Variants in CNTLN observed in about 807,000 individuals in gnomAD.
CNTLN encodes centlein, also known as centlein, centrosomal protein.
A neutral mutation model predicts 180.0 loss-of-function variants in CNTLN; 212 were observed. That is an observed-to-expected ratio of 1.18 (90% CI 1.05 to 1.32). CNTLN has a LOEUF of 1.32. Ranked by LOEUF, CNTLN falls within the 40% of genes most tolerant of loss-of-function variation. The pLI is 0.00. For missense variants in CNTLN, 2,095 were observed against 1,610.9 expected (o/e 1.30, Z -5.14); for synonymous variants, 722 against 563.1 (o/e 1.28, Z -3.99).
chr9:17,289,680 C>T (rs1047807341), intron 6 of CNTLN, among the ~76,000 whole-genome samples: 19 of 132,992 alleles, frequency 1.4e-4, no homozygotes, highest in Non-Finnish European at 2.7e-4. Context: ...TCACATAGTC[C>T]CATATTTCTT....
At chr9:17,222,965 C>G (rs1294315421) in intron 2 of CNTLN, among the ~76,000 whole-genome samples, 1 of 151,998 alleles carries the variant, frequency 6.6e-6, no homozygotes, top group Non-Finnish European at 1.5e-5. Flanking sequence ...CCCTTATGGT[C>G]TTAAAAATAT....
At chr9:17,341,609 T>G (rs1159758691) in intron 11 of CNTLN, among the ~76,000 whole-genome samples, 1 of 152,188 alleles carries the variant, frequency 6.6e-6, no homozygotes, top group Non-Finnish European at 1.5e-5. Context: ...ATGGATCCTT[T>G]AGGGCAATGT....
At chr9:17,495,398 T>G (rs1833399299) in intron 25 of CNTLN, among the ~76,000 whole-genome samples, 1 of 152,116 alleles carries the variant, frequency 6.6e-6, no homozygotes, top group Non-Finnish European at 1.5e-5. Flanking sequence ...GTGATGACCC[T>G]GACCCTATGT....
intron 2 of CNTLN, among the ~76,000 whole-genome samples, chr9:17,209,921 T>C (rs1823173696): frequency 6.6e-6 from 1 of 152,188 alleles, no homozygotes. Flanking sequence ...AAAGTAAATA[T>C]TTTTCCATCT....
At chr9:17,299,824 A>G in intron 7 of CNTLN, 1 of 982,454 alleles carries the variant, frequency 1.0e-6, no homozygotes, top group Non-Finnish European at 1.2e-6. Context: ...TGCTTGGAAC[A>G]TTTTTTTTCT....
intron 25 of CNTLN, among the ~76,000 whole-genome samples, chr9:17,500,565 C>G (rs1272045214): frequency 6.6e-6 from 1 of 152,114 alleles, no homozygotes; most frequent in Non-Finnish European, 1.5e-5. Context: ...ACAGGATGGA[C>G]AAGTGAATTT....
At chr9:17,203,660 C>T (rs1239001443) in intron 2 of CNTLN, among the ~76,000 whole-genome samples, 1 of 152,110 alleles carries the variant, frequency 6.6e-6, no homozygotes, top group Non-Finnish European at 1.5e-5. Flanking sequence ...GTGTTCACGC[C>T]ATTCTCCTGC....
chr9:17,317,198 C>G (rs998389408), intron 8 of CNTLN, among the ~76,000 whole-genome samples: 2 of 152,014 alleles, frequency 1.3e-5, no homozygotes, highest in African/African-American at 2.4e-5. Flanking sequence ...TAGATGGATA[C>G]TGTTTAGCAT....
intron 2 of CNTLN, among the ~76,000 whole-genome samples, chr9:17,152,106 A>G (rs1300384508): frequency 6.6e-6 from 1 of 152,124 alleles, no homozygotes; most frequent in African/African-American, 2.4e-5. Context: ...GTTTTCAAAA[A>G]ACCAGCTCCT....
intron 13 of CNTLN, among the ~76,000 whole-genome samples, chr9:17,378,112 G>A (rs888365433): frequency 2.6e-5 from 4 of 151,646 alleles, no homozygotes; most frequent in Admixed American, 6.6e-5. Context: ...TTAATCTTTT[G>A]TCTTCTGCAT....
intron 5 of CNTLN, among the ~76,000 whole-genome samples, chr9:17,253,035 G>A (rs546928683): frequency 9.3e-5 from 14 of 151,230 alleles, no homozygotes; most frequent in South Asian, 4.2e-4. Context: ...CTATTCTATC[G>A]CCAATGTATA....
At position 17,298,675 on chromosome 9, in the gene CNTLN, C is replaced by G. The variant is rs1587564601; in HGVS notation, c.1146+323C>G. On this transcript the variant is annotated intron_variant, in intron 7 of 25. Transcript: ENST00000380647. ...CAAAACTGGAATGGAATTCCTCGGC[C>G]TGCTATTACAAGAAATTATTTTGTC... 3.0e-6 allele frequency: 3 copies of G among 1,011,800 alleles called. No individual in the cohort carries two copies. The East Asian group carries it at 2.7e-4, about 91-fold the overall frequency. The allele number at this position is 1,011,800 out of a possible 1,614,324, so 62.7% of individuals were successfully genotyped here.
chr9:17,480,718 T>C (rs1221121531), intron 23 of CNTLN, among the ~76,000 whole-genome samples: 1 of 152,208 alleles, frequency 6.6e-6, no homozygotes, highest in Non-Finnish European at 1.5e-5. Context: ...GTGGCCAAAA[T>C]TTATCTATCC....
At chr9:17,391,379 A>G (rs1587862652) in intron 14 of CNTLN, among the ~76,000 whole-genome samples, 1 of 152,154 alleles carries the variant, frequency 6.6e-6, no homozygotes, top group Non-Finnish European at 1.5e-5. Context: ...GCCTTAGGGA[A>G]GAGGAATTAT....
At chr9:17,448,162 C>T in intron 18 of CNTLN, 1 of 209,060 alleles carries the variant, frequency 4.8e-6, no homozygotes, top group Admixed American at 4.3e-5. Flanking sequence ...CATTAATTTC[C>T]TTAATTCAGT....
Position 17,226,487 on chromosome 9 carries a change from A to G in CNTLN, c.534+200A>G, listed in dbSNP as rs542499123. ...TTGTACCCTTTTGTTTTCTGAATTA[A>G]TAGATTATAACTCTTCATCTAATGT... is the stretch of plus-strand genomic sequence containing the variant. On this transcript the variant is annotated intron_variant, in intron 3 of 25. Coordinates refer to ENST00000380647, the MANE Select transcript of CNTLN (RefSeq NM_017738.4). Among the ~76,000 whole-genome samples the G allele has an allele frequency of 2.6e-5, 4 of 152,068 alleles. No homozygotes were observed. The South Asian group carries it at 8.3e-4, about 32-fold the overall frequency.
chr9:17,216,097 C>T (rs149011247), intron 2 of CNTLN, among the ~76,000 whole-genome samples: 106 of 152,238 alleles, frequency 7.0e-4, no homozygotes, highest in Non-Finnish European at 1.3e-3. Context: ...GAGTTGAACC[C>T]GTTACCTCAG....
intron 18 of CNTLN, among the ~76,000 whole-genome samples, chr9:17,453,497 G>T (rs1236167824): frequency 6.6e-6 from 1 of 152,040 alleles, no homozygotes; most frequent in Non-Finnish European, 1.5e-5. Context: ...TTCTAGAAAG[G>T]TGTTGATTAA....
intron 2 of CNTLN, among the ~76,000 whole-genome samples, chr9:17,195,174 A>G (rs1330608949): frequency 2.0e-5 from 3 of 152,218 alleles, no homozygotes; most frequent in Non-Finnish European, 4.4e-5. Flanking sequence ...TATTTCATTT[A>G]TGTCATGATG....
Sources: gnomAD v4.1 joint callset for allele counts (sites outside exome capture counted in the v4.1 genomes callset) on GRCh38, gnomAD v4.1.1 for gene constraint, MANE v1.5 for transcripts, NCBI Gene and HGNC (gene_info 2026-07-23, HGNC 2026-07-21) for gene names.